Variants in SRFBP1 observed in about 807,000 individuals in gnomAD.
SRFBP1 encodes serum response factor-binding protein 1.
Under a neutral mutation model 45.5 loss-of-function variants are expected in SRFBP1, and 47 were observed. That is an observed-to-expected ratio of 1.03 (90% CI 0.82 to 1.32). The LOEUF is 1.32. SRFBP1 is among the 40% of genes most tolerant of loss of function. SRFBP1 has a pLI of 0.00. For missense variants in SRFBP1, 621 were observed against 484.6 expected (o/e 1.28, Z -2.64); for synonymous variants, 203 against 166.3 (o/e 1.22, Z -1.70).
intron 1 of SRFBP1, among the ~76,000 whole-genome samples, chr5:121,971,753 AAAG>A (rs1440522728): frequency 1.3e-5 from 2 of 152,056 alleles, no homozygotes; most frequent in African/African-American, 4.8e-5. Context: ...ATGAATTTTC[AAAG>A]AAGATCAAAA....
At chr5:122,056,198 A>C (rs1459634870) in intron 2 of SRFBP1, among the ~76,000 whole-genome samples, 1 of 152,142 alleles carries the variant, frequency 6.6e-6, no homozygotes, top group African/African-American at 2.4e-5. Flanking sequence ...CAGAAAAAAC[A>C]GCCCTACAAG....
At chr5:122,077,918 G>A (rs1754691769), downstream of SRFBP1, 2 of 1,517,692 alleles carry the variant, frequency 1.3e-6, no homozygotes, top group Non-Finnish European at 1.7e-6. The surrounding 1 kb of genome is among the most constrained non-coding windows in gnomAD (Gnocchi z 4.9). Context: ...GGCGGCGGGA[G>A]GGGCGCAGTG....
intron 2 of SRFBP1, among the ~76,000 whole-genome samples, chr5:122,055,147 T>C (rs1378019358): frequency 6.6e-6 from 1 of 152,200 alleles, no homozygotes; most frequent in African/African-American, 2.4e-5. Context: ...AGACCAAGTT[T>C]CTGGCAGATT....
At chr5:122,050,139 A>T (rs1430311273) in intron 2 of SRFBP1, among the ~76,000 whole-genome samples, 1 of 152,066 alleles carries the variant, frequency 6.6e-6, no homozygotes, top group Non-Finnish European at 1.5e-5. Context: ...TGCTGGATTC[A>T]GTTTGCTAGT....
intron 2 of SRFBP1, chr5:122,064,560 C>A (rs551638894): frequency 1.3e-5 from 2 of 151,664 alleles, no homozygotes; most frequent in South Asian, 4.2e-4. Context: ...ATATAATTAA[C>A]CTTTAATTTA....
intron 2 of SRFBP1, among the ~76,000 whole-genome samples, chr5:122,047,858 G>A (rs1753893908): frequency 6.6e-6 from 1 of 152,156 alleles, no homozygotes; most frequent in Admixed American, 6.5e-5. Context: ...TCTGTTATTG[G>A]TGTATAAGAA....
At chr5:121,985,279 G>A (rs539087832) in intron 3 of SRFBP1, among the ~76,000 whole-genome samples, 1 of 151,648 alleles carries the variant, frequency 6.6e-6, no homozygotes, top group Non-Finnish European at 1.5e-5. Flanking sequence ...CAAATTATAG[G>A]GTGAAAAACT....
intron 2 of SRFBP1, among the ~76,000 whole-genome samples, chr5:122,037,502 TTTTTA>T (rs947775859): frequency 7.2e-5 from 11 of 152,160 alleles, no homozygotes; most frequent in African/African-American, 2.4e-4. Flanking sequence ...AGCTCTTCTC[TTTTTA>T]TTTTATTTTT....
In SRFBP1 at chr5:122,059,752, T is replaced by C. The variant is rs116200110; in HGVS notation, n.312-15563T>C. The stretch of plus-strand genomic sequence containing the variant: ...TTTGGACTGTACTTATTCTATAGTG[T>C]CTGTAAGTGTGTTAAAAGTACACTA... On this transcript the variant is annotated intron_variant and non_coding_transcript_variant, in intron 2 of 2. Coordinates refer to the SRFBP1 transcript ENST00000504881. Among the ~76,000 whole-genome samples, 691 of 152,200 alleles carry C rather than the reference T, an allele frequency of 4.5e-3. 8 individuals are homozygous for C. The highest frequency in any genetic ancestry group is 0.016 in the African/African-American group (660 of 41,550).
intron 3 of SRFBP1, among the ~76,000 whole-genome samples, chr5:121,980,452 G>A (rs972058902): frequency 1.2e-4 from 18 of 152,102 alleles, no homozygotes; most frequent in African/African-American, 4.1e-4. Flanking sequence ...TTCACCCAGC[G>A]ATTAATGTTC....
At chr5:121,994,529 G>T in intron 3 of SRFBP1, 70 bp from the exon 4 acceptor site, 1 of 993,594 alleles carries the variant, frequency 1.0e-6, no homozygotes, top group East Asian at 2.7e-5. Context: ...CTTAAGATAC[G>T]GAAAGGAACT....
Position 122,020,736 on chromosome 5 carries a change from G to C in SRFBP1, c.1001G>C (p.Ser334Thr). ...ACAAGAAATGACAAAATCAAGCCAAGTACAGAAACCAGAAAGTTAGAATCA... is the reference window on the plus strand; with the variant it reads ...ACAAGAAATGACAAAATCAAGCCAACTACAGAAACCAGAAAGTTAGAATCA... ...GDTRNDKIKP[S>T]TETRKLESVF... Residue 334 changes from serine (S) to threonine (T), a missense_variant, in exon 6 of 8, where the codon AGT (serine) becomes ACT (threonine). Ser to Thr is a moderately conservative substitution (Grantham distance 58, BLOSUM62 1). Coordinates refer to ENST00000339397, the MANE Select transcript of SRFBP1 (RefSeq NM_152546.3). The C allele has an allele frequency of 6.2e-7, 1 of 1,607,482 alleles. No homozygotes were observed. The highest frequency in any genetic ancestry group is 8.5e-7 in the Non-Finnish European group (1 of 1,178,378).
At chr5:121,980,244 A>G (rs1747065772) in intron 3 of SRFBP1, among the ~76,000 whole-genome samples, 1 of 152,162 alleles carries the variant, frequency 6.6e-6, no homozygotes, top group African/African-American at 2.4e-5. Flanking sequence ...AAACCTATAG[A>G]AAATTGTAAT....
chr5:122,004,193 A>T (rs747949483), intron 4 of SRFBP1, among the ~76,000 whole-genome samples: 41 of 152,128 alleles, frequency 2.7e-4, no homozygotes, highest in Non-Finnish European at 4.4e-4. Context: ...TAAGATTGAT[A>T]TTAGACTCTT....
At chr5:122,006,422 G>T (rs1426464651) in intron 4 of SRFBP1, among the ~76,000 whole-genome samples, 1 of 151,528 alleles carries the variant, frequency 6.6e-6, no homozygotes, top group Non-Finnish European at 1.5e-5. Context: ...CCTGTACCTG[G>T]GTATTTATGT....
downstream of SRFBP1, chr5:122,077,725 G>A (rs747737497): frequency 6.3e-7 from 1 of 1,580,050 alleles, no homozygotes; most frequent in African/African-American, 1.3e-5. The surrounding 1 kb of genome is among the most constrained non-coding windows in gnomAD (Gnocchi z 4.9). Flanking sequence ...TCGGAGTGCG[G>A]GGCTGCTGGG....
At chr5:122,015,839 A>C (rs1398168243) in intron 4 of SRFBP1, among the ~76,000 whole-genome samples, 1 of 152,198 alleles carries the variant, frequency 6.6e-6, no homozygotes, top group Non-Finnish European at 1.5e-5. Context: ...TATTTTAAGC[A>C]CTAGCTATTA....
At chr5:121,976,896 C>A (rs1752313319) in intron 3 of SRFBP1, among the ~76,000 whole-genome samples, 1 of 151,264 alleles carries the variant, frequency 6.6e-6, no homozygotes, top group Non-Finnish European at 1.5e-5. Flanking sequence ...TACATACACA[C>A]ACACTACATT....
chr5:122,006,682 G>T (rs561605252), intron 4 of SRFBP1, among the ~76,000 whole-genome samples: 1 of 151,804 alleles, frequency 6.6e-6, no homozygotes, highest in East Asian at 1.9e-4. Context: ...TCTGCTGTTG[G>T]TGTTCTCCAT....
Sources: allele counts gnomAD v4.1 joint callset (sites outside exome capture counted in the v4.1 genomes callset), GRCh38; gene constraint gnomAD v4.1.1; non-coding constraint Gnocchi (gnomAD v3.1); transcripts MANE v1.5; gene names NCBI Gene and HGNC (gene_info 2026-07-23, HGNC 2026-07-21).